Variants in DACH2 observed in about 807,000 individuals in gnomAD.
The protein encoded by DACH2 is dachshund homolog 2.
Under a neutral mutation model 35.8 loss-of-function variants are expected in DACH2, and 17 were observed. That is an observed-to-expected ratio of 0.48 (90% CI 0.33 to 0.71). DACH2 has a LOEUF of 0.71. Among genes scored for constraint, DACH2 ranks in the 30% least tolerant of loss-of-function variants. The pLI, the probability that DACH2 is intolerant of heterozygous loss-of-function variation, is 0.02. For synonymous variants in DACH2, 195 were observed against 177.3 expected, an observed-to-expected ratio of 1.10 and a Z score of -0.79; for missense variants, 469 against 472.7, an observed-to-expected ratio of 0.99 and a Z score of 0.07.
chrX:86,336,992 C>G (rs1483284135), intron 1 of DACH2, among the ~76,000 whole-genome samples: 6 of 107,784 alleles, frequency 5.6e-5, no homozygotes, highest in Non-Finnish European at 1.1e-4. Flanking sequence ...TGAAGATCAA[C>G]TTAATGAAAT....
At chrX:86,651,538 G>T (rs2040478340) in intron 4 of DACH2, among the ~76,000 whole-genome samples, 1 of 111,669 alleles carries the variant, frequency 9.0e-6, no homozygotes, top group African/African-American at 3.3e-5. Flanking sequence ...GACAGTCCAG[G>T]TTGGCTGGGC....
intron 3 of DACH2, among the ~76,000 whole-genome samples, chrX:86,585,671 T>A (rs2039561328): frequency 9.0e-6 from 1 of 111,147 alleles, no homozygotes; most frequent in Non-Finnish European, 1.9e-5. Flanking sequence ...GGTATTCAAT[T>A]TTCTGTTCTT....
At chrX:86,263,472 G>C (rs1602334757) in intron 1 of DACH2, among the ~76,000 whole-genome samples, 1 of 111,503 alleles carries the variant, frequency 9.0e-6, no homozygotes, top group Non-Finnish European at 1.9e-5. Context: ...GGTGGGAGTG[G>C]ATGTGTTTTT....
At chrX:86,380,511 A>G (rs1233375720) in intron 2 of DACH2, among the ~76,000 whole-genome samples, 2 of 110,933 alleles carry the variant, frequency 1.8e-5, no homozygotes, top group Non-Finnish European at 3.8e-5. Context: ...TAGCAAGATT[A>G]TAAAATAGTT....
chrX:86,579,517 G>A (rs1468452798), intron 3 of DACH2, among the ~76,000 whole-genome samples: 2 of 110,826 alleles, frequency 1.8e-5, no homozygotes, highest in African/African-American at 6.6e-5. Context: ...CAATGAAATA[G>A]TATTTAGAGA....
chrX:86,475,296 T>A (rs1178160299), intron 2 of DACH2, among the ~76,000 whole-genome samples: 1 of 111,523 alleles, frequency 9.0e-6, no homozygotes, highest in African/African-American at 3.3e-5. Flanking sequence ...GGACAACATT[T>A]GAACAATATT....
chrX:86,397,562 C>T (rs1569377815), intron 2 of DACH2, among the ~76,000 whole-genome samples: 1 of 111,260 alleles, frequency 9.0e-6, no homozygotes, highest in Admixed American at 9.6e-5. Flanking sequence ...TGAGATACGT[C>T]CCATCAATAC....
chrX:86,764,763 T>A (rs1181643880), intron 7 of DACH2, among the ~76,000 whole-genome samples: 1 of 111,816 alleles, frequency 8.9e-6, no homozygotes, highest in Admixed American at 9.5e-5. Context: ...AGATTACTGG[T>A]TCAAATGGTA....
chrX:86,308,086 A>C (rs1015559068), intron 1 of DACH2, among the ~76,000 whole-genome samples: 4 of 112,313 alleles, frequency 3.6e-5, no homozygotes, highest in African/African-American at 1.3e-4. Flanking sequence ...AGGCTTAGGA[A>C]GATTGGGATC....
intron 6 of DACH2, among the ~76,000 whole-genome samples, 184 bp downstream of exon 6, chrX:86,714,904 A>G (rs1161812573): frequency 1.8e-5 from 2 of 111,822 alleles, no homozygotes; most frequent in African/African-American, 6.5e-5. Context: ...GTTTGTTTTC[A>G]TTCTATGACC....
At chrX:86,198,543 AAAAG>A (rs2032056861) in intron 1 of DACH2, among the ~76,000 whole-genome samples, 2 of 111,688 alleles carry the variant, frequency 1.8e-5, no homozygotes, top group South Asian at 7.5e-4. Context: ...AATAAAGAAA[AAAAG>A]AGAGAAGATC....
intron 2 of DACH2, among the ~76,000 whole-genome samples, chrX:86,438,529 A>T (rs1396437624): frequency 9.0e-6 from 1 of 111,340 alleles, no homozygotes; most frequent in Non-Finnish European, 1.9e-5. Flanking sequence ...CTTGGCCCGA[A>T]CTCATTCTTT....
chrX:86,506,406 A>C (rs1228822053), intron 2 of DACH2, among the ~76,000 whole-genome samples: 1 of 110,836 alleles, frequency 9.0e-6, no homozygotes, highest in Non-Finnish European at 1.9e-5. Flanking sequence ...TTTATTTATT[A>C]TTTTTGAGAC....
At chrX:86,156,944 T>G (rs2030566338) in intron 1 of DACH2, among the ~76,000 whole-genome samples, 1 of 111,409 alleles carries the variant, frequency 9.0e-6, no homozygotes, top group African/African-American at 3.2e-5. Context: ...GCATGAAGTA[T>G]CCTCCTCACC....
chrX:86,625,511 A>C (rs951446184), intron 3 of DACH2, among the ~76,000 whole-genome samples: 1 of 110,897 alleles, frequency 9.0e-6, no homozygotes, highest in South Asian at 3.9e-4. Flanking sequence ...AAATTTTAGG[A>C]GAAAATTATG....
intron 3 of DACH2, among the ~76,000 whole-genome samples, chrX:86,643,596 C>T (rs1486106845): frequency 9.0e-6 from 1 of 111,336 alleles, no homozygotes; most frequent in Non-Finnish European, 1.9e-5. Flanking sequence ...AGGGACTCCT[C>T]CCCAACTTAT....
chrX:86,419,103 T>G (rs992391007), intron 2 of DACH2, among the ~76,000 whole-genome samples: 2 of 111,820 alleles, frequency 1.8e-5, no homozygotes, highest in Non-Finnish European at 3.8e-5. Context: ...ATCAGCATTT[T>G]GGTCAAAGCC....
At chrX:86,404,095 A>C (rs1470354628) in intron 2 of DACH2, among the ~76,000 whole-genome samples, 1 of 110,286 alleles carries the variant, frequency 9.1e-6, no homozygotes, top group Non-Finnish European at 1.9e-5. Flanking sequence ...CTTTCACAAC[A>C]CGTTGGGATT....
chrX:86,758,882 A>G (rs755421395), intron 7 of DACH2, among the ~76,000 whole-genome samples: 1 of 112,757 alleles, frequency 8.9e-6, no homozygotes, highest in Non-Finnish European at 1.9e-5. Context: ...TGGGGTACCC[A>G]TAACCTCAAA....
Sources: allele counts gnomAD v4.1 joint callset (sites outside exome capture counted in the v4.1 genomes callset), GRCh38; gene constraint gnomAD v4.1.1; transcripts MANE v1.5; gene names NCBI Gene and HGNC (gene_info 2026-07-23, HGNC 2026-07-21).